MAP3K13: variants seen among roughly 807,000 people sequenced by gnomAD.
The protein encoded by MAP3K13 is leucine zipper-bearing kinase.
A neutral mutation model predicts 104.0 loss-of-function variants in MAP3K13; 52 were observed. The observed-to-expected ratio is 0.50, with a 90% CI of 0.40 to 0.63. The LOEUF is 0.63. MAP3K13 is among the 20% of genes least tolerant of loss of function. MAP3K13 has a pLI of 0.00. For missense variants in MAP3K13, 914 were observed against 1,218.5 expected (o/e 0.75, Z 3.72); for synonymous variants, 394 against 442.2 (o/e 0.89, Z 1.37).
chr3:185,284,758 T>TA (rs143122192), intron 1 of MAP3K13, among the ~76,000 whole-genome samples: 12,596 of 151,106 alleles, frequency 0.083, 703 homozygotes, highest in East Asian at 0.2. Flanking sequence ...AAATAAAATT[T>TA]AAAAAATAAA....
chr3:185,454,604 G>T lies in MAP3K13; in HGVS notation c.1278+3209G>T, dbSNP rs868548454. On this transcript the variant is annotated intron_variant, in intron 7 of 13. Coordinates refer to ENST00000265026, the MANE Select transcript of MAP3K13 (RefSeq NM_004721.5). ...ATATATGATATATAGATATATATGA[G>T]ATATATATGATATATATATGAGATA... Among the ~76,000 whole-genome samples the T allele has an allele frequency of 1.5e-3, 72 of 46,946 alleles. 2 individuals are homozygous for T. The highest frequency in any genetic ancestry group is 0.036 in the Middle Eastern group (1 of 28). 30.8% of individuals were successfully genotyped at this position (46,946 alleles called of 152,430 possible). A position where few individuals can be genotyped will look rare whatever the true frequency, so the allele number is the denominator to read the frequency against.
At chr3:185,460,774 T>C (rs57425527) in intron 7 of MAP3K13, among the ~76,000 whole-genome samples, 118,653 of 152,158 alleles carry the variant, frequency 0.78, 46,995 homozygotes, top group Non-Finnish European at 0.86. Flanking sequence ...ACTTCTTTTC[T>C]GGAAATCTAC....
At chr3:185,297,627 C>T (rs964966852) in intron 2 of MAP3K13, among the ~76,000 whole-genome samples, 5 of 151,518 alleles carry the variant, frequency 3.3e-5, no homozygotes, top group African/African-American at 1.2e-4. Context: ...CCCAGCTACT[C>T]GGGAGACTGA....
chr3:185,395,940 A>C (rs1283865524), intron 1 of MAP3K13, among the ~76,000 whole-genome samples: 1 of 152,012 alleles, frequency 6.6e-6, no homozygotes, highest in African/African-American at 2.4e-5. Flanking sequence ...TAGTCTCCCA[A>C]AGTGTTGGGA....
At chr3:185,394,149 G>A (rs1158341712) in intron 1 of MAP3K13, among the ~76,000 whole-genome samples, 1 of 152,116 alleles carries the variant, frequency 6.6e-6, no homozygotes, top group Non-Finnish European at 1.5e-5. Flanking sequence ...AAAACCAGAG[G>A]GACTTACATC....
intron 7 of MAP3K13, among the ~76,000 whole-genome samples, chr3:185,455,884 TG>T (rs1716698929): frequency 8.0e-6 from 1 of 124,980 alleles, no homozygotes; most frequent in African/African-American, 3.2e-5. Context: ...ATGAGATATA[TG>T]ATATAGATGA....
chr3:185,472,198 CCTT>C (rs1284542882), intron 10 of MAP3K13, among the ~76,000 whole-genome samples: 27 of 150,744 alleles, frequency 1.8e-4, no homozygotes, highest in Admixed American at 2.0e-4. Context: ...TCATCTCATC[CCTT>C]CTTCTTTTTT....
At chr3:185,318,820 A>G (rs1577419497) in intron 2 of MAP3K13, among the ~76,000 whole-genome samples, 1 of 152,344 alleles carries the variant, frequency 6.6e-6, no homozygotes, top group Non-Finnish European at 1.5e-5. Flanking sequence ...ATATTTATAA[A>G]ACATCTGTAA....
At chr3:185,307,813 A>C (rs1227710485) in intron 2 of MAP3K13, among the ~76,000 whole-genome samples, 1 of 151,828 alleles carries the variant, frequency 6.6e-6, no homozygotes, top group African/African-American at 2.4e-5. Flanking sequence ...AAGTGCTGGG[A>C]TTACAGGCAT....
chr3:185,370,247 T>G (rs992329366), intron 1 of MAP3K13, among the ~76,000 whole-genome samples: 1 of 152,158 alleles, frequency 6.6e-6, no homozygotes. Flanking sequence ...CAGGCTGGAG[T>G]GCACTGGCGT....
At chr3:185,350,418 C>T (rs1723097435) in intron 2 of MAP3K13, among the ~76,000 whole-genome samples, 1 of 152,180 alleles carries the variant, frequency 6.6e-6, no homozygotes, top group African/African-American at 2.4e-5. Context: ...AACTCACGAC[C>T]TCAGATGATC....
In MAP3K13 at chr3:185,423,112, G is replaced by T. The variant is rs1426166223; in HGVS notation, c.-85-5385G>T. 6.6e-6 allele frequency among the ~76,000 whole-genome samples: 1 copy of T among 152,084 alleles called. No individual in the cohort carries two copies. Among genetic ancestry groups the T allele is most frequent in the Non-Finnish European group, 1.5e-5 (1 of 68,018 alleles). ...CTAGTTGCAGGAAAACAAGCTCAGGGCTCCCACTGATTCTACATTATAGTG... is the reference window on the plus strand; with the variant it reads ...CTAGTTGCAGGAAAACAAGCTCAGGTCTCCCACTGATTCTACATTATAGTG... On this transcript the variant is annotated intron_variant, in intron 1 of 13. Coordinates refer to ENST00000265026, the MANE Select transcript of MAP3K13 (RefSeq NM_004721.5). This position sits in a 1 kb window ranked among gnomAD's most constrained non-coding sequence, Gnocchi z 4.1.
intron 2 of MAP3K13, among the ~76,000 whole-genome samples, chr3:185,352,893 A>G (rs1315188736): frequency 6.6e-6 from 1 of 152,242 alleles, no homozygotes; most frequent in African/African-American, 2.4e-5. Flanking sequence ...AAAGTTTAAA[A>G]ATACAATATA....
chr3:185,476,923 G>A (rs1005005300), intron 11 of MAP3K13: 13 of 312,106 alleles, frequency 4.2e-5, no homozygotes, highest in Middle Eastern at 4.0e-4. Flanking sequence ...GTAATTGTTC[G>A]GCTTTGAGGA....
chr3:185,307,104 T>C (rs764534310), intron 2 of MAP3K13, among the ~76,000 whole-genome samples: 3 of 152,198 alleles, frequency 2.0e-5, no homozygotes, highest in Non-Finnish European at 4.4e-5. Flanking sequence ...CTCTTGCTGC[T>C]TTCAAGATTC....
Position 185,417,555 on chromosome 3 carries a change from G to A in MAP3K13, c.-85-10942G>A. On this transcript the variant is annotated intron_variant, in intron 1 of 13. Transcript: ENST00000265026. ...TCTTTTCTGCAGGCTTCTTTTCAGG[G>A]GCTGGTTTCTTGGTAGCTGCTGCCT... is the stretch of plus-strand genomic sequence containing the variant. 2.5e-6 allele frequency: 4 copies of A among 1,611,134 alleles called. No homozygotes were observed. The South Asian group carries it at 4.4e-5, about 18-fold the overall frequency.
At chr3:185,361,111 T>A (rs1487418359), upstream of MAP3K13, among the ~76,000 whole-genome samples, 2 of 151,092 alleles carry the variant, frequency 1.3e-5, no homozygotes, top group Non-Finnish European at 2.9e-5. Flanking sequence ...TGTGTGTGTG[T>A]GTGTGTGTGT....
chr3:185,295,531 T>C (rs550971987), intron 2 of MAP3K13, among the ~76,000 whole-genome samples: 5 of 152,312 alleles, frequency 3.3e-5, no homozygotes, highest in African/African-American at 1.2e-4. Flanking sequence ...GAGCAGATAC[T>C]TTCTGCTTGG....
chr3:185,443,181 AG>A, intron 3 of MAP3K13, among the ~76,000 whole-genome samples: 1 of 152,160 alleles, frequency 6.6e-6, no homozygotes, highest in Non-Finnish European at 1.5e-5. Context: ...CCGGAATGGA[AG>A]GGTCCCACAG....
Sources: allele counts gnomAD v4.1 joint callset (sites outside exome capture counted in the v4.1 genomes callset), GRCh38; gene constraint gnomAD v4.1.1; non-coding constraint Gnocchi (gnomAD v3.1); transcripts MANE v1.5; gene names NCBI Gene and HGNC (gene_info 2026-07-23, HGNC 2026-07-21).